Variants in DPP6 observed in about 807,000 individuals in gnomAD.
DPP6 encodes the protein A-type potassium channel modulatory protein DPP6.
DPP6 carries 69 observed loss-of-function variants against 122.6 expected under a neutral mutation model. The observed-to-expected ratio is 0.56, with a 90% CI of 0.46 to 0.69. The LOEUF (loss-of-function observed/expected upper bound fraction) is 0.69. Among genes scored for constraint, DPP6 ranks in the 30% least tolerant of loss-of-function variants. The pLI, the probability that DPP6 is intolerant of heterozygous loss-of-function variation, is 0.00. For missense variants in DPP6, 928 were observed against 1,116.9 expected (o/e 0.83, Z 2.41); for synonymous variants, 418 against 433.1 (o/e 0.97, Z 0.43).
At chr7:154,749,431 CAGGA>C (rs1322962523) in intron 8 of DPP6, among the ~76,000 whole-genome samples, 269 of 139,848 alleles carry the variant, frequency 1.9e-3, no homozygotes, top group Admixed American at 2.8e-3. Flanking sequence ...GAGCATAGGA[CAGGA>C]GGGAGAGGGA....
the DPP6 span, among the ~76,000 whole-genome samples, chr7:153,855,488 T>G: frequency 6.6e-6 from 1 of 152,234 alleles, no homozygotes. Context: ...TACTTTTTAC[T>G]GTTTGCTGCT....
intron 1 of DPP6, among the ~76,000 whole-genome samples, chr7:153,990,261 C>A (rs1797105172): frequency 1.2e-5 from 1 of 85,862 alleles, no homozygotes; most frequent in Non-Finnish European, 2.2e-5. Flanking sequence ...CACCTGCTTC[C>A]AGCCTTGCTG....
chr7:154,803,315 C>T (rs1368785327), intron 13 of DPP6, among the ~76,000 whole-genome samples: 1 of 152,212 alleles, frequency 6.6e-6, no homozygotes, highest in African/African-American at 2.4e-5. Flanking sequence ...TGTTACCATT[C>T]TTCTTAGCTC....
At chr7:154,701,227 C>T (rs1324387327) in intron 7 of DPP6, among the ~76,000 whole-genome samples, 1 of 152,194 alleles carries the variant, frequency 6.6e-6, no homozygotes, top group Non-Finnish European at 1.5e-5. Flanking sequence ...CCGCTTTGCA[C>T]GCTCACCACA....
chr7:154,215,036 G>C (rs1799927210), intron 1 of DPP6, among the ~76,000 whole-genome samples: 1 of 152,094 alleles, frequency 6.6e-6, no homozygotes, highest in South Asian at 2.1e-4. Context: ...AGAGAGATGG[G>C]GTGTATTAGC....
At chr7:154,332,802 C>T (rs1809066448) in intron 1 of DPP6, among the ~76,000 whole-genome samples, 2 of 152,196 alleles carry the variant, frequency 1.3e-5, no homozygotes, top group Non-Finnish European at 2.9e-5. Flanking sequence ...TTTTCTGCGT[C>T]AGATGCATTT....
intron 1 of DPP6, among the ~76,000 whole-genome samples, chr7:154,346,595 C>G (rs1810416731): frequency 6.6e-6 from 1 of 152,214 alleles, no homozygotes; most frequent in African/African-American, 2.4e-5. Flanking sequence ...GCGTGAGCCA[C>G]AGTGCCCAGG....
At chr7:154,796,352 A>G (rs1325309425) in intron 12 of DPP6, 1 of 155,364 alleles carries the variant, frequency 6.4e-6, no homozygotes, top group Admixed American at 6.5e-5. Context: ...ACTGCAAACC[A>G]TCCCTGGAGA....
At chr7:153,892,468 C>A (rs1799244269) in intron 1 of DPP6, among the ~76,000 whole-genome samples, 1 of 152,120 alleles carries the variant, frequency 6.6e-6, no homozygotes, top group South Asian at 2.1e-4. Flanking sequence ...CATGTGCCAC[C>A]ACACCCAGTT....
intron 1 of DPP6, among the ~76,000 whole-genome samples, chr7:154,313,693 A>G (rs200526664): frequency 0.27 from 6,082 of 22,134 alleles, 1,486 homozygotes; most frequent in East Asian, 0.52. Context: ...TGGTATATAT[A>G]TATATATATA....
chr7:154,873,866 A>G (rs1804604173), intron 19 of DPP6, among the ~76,000 whole-genome samples: 1 of 137,078 alleles, frequency 7.3e-6, no homozygotes, highest in Non-Finnish European at 1.7e-5. Flanking sequence ...ATGCACACAC[A>G]CCCACAGGCA....
intron 2 of DPP6, among the ~76,000 whole-genome samples, chr7:154,468,276 AAAG>A (rs1346600525): frequency 2.0e-5 from 3 of 152,264 alleles, no homozygotes; most frequent in African/African-American, 7.2e-5. Flanking sequence ...TTAGAGACAG[AAAG>A]AAGATTTTTG....
At chr7:153,852,248 T>C in the DPP6 span, among the ~76,000 whole-genome samples, 1 of 152,148 alleles carries the variant, frequency 6.6e-6, no homozygotes, top group Non-Finnish European at 1.5e-5. Flanking sequence ...GTTGCGTTGC[T>C]CTAAAGAAAC....
chr7:154,087,224 A>G (rs6964932), intron 1 of DPP6, among the ~76,000 whole-genome samples: 2,732 of 152,014 alleles, frequency 0.018, 79 homozygotes, highest in African/African-American at 0.062. Flanking sequence ...CTTGGCTGGC[A>G]CACAAGGAAG....
chr7:154,255,469 G>T (rs1009712177), intron 1 of DPP6, among the ~76,000 whole-genome samples: 1 of 152,212 alleles, frequency 6.6e-6, no homozygotes, highest in African/African-American at 2.4e-5. Context: ...AGCACTGGGG[G>T]AAAGGAGGTG....
At chr7:153,926,861 C>A (rs1206680759) in intron 1 of DPP6, among the ~76,000 whole-genome samples, 1 of 151,624 alleles carries the variant, frequency 6.6e-6, no homozygotes, top group Non-Finnish European at 1.5e-5. Context: ...TGAGTATATT[C>A]TTTTATCTTA....
chr7:153,946,678 C>T (rs1801962696), intron 1 of DPP6, among the ~76,000 whole-genome samples: 4 of 152,106 alleles, frequency 2.6e-5, no homozygotes, highest in Admixed American at 2.6e-4. Context: ...AAGATGGAGT[C>T]ACTTTGGTTC....
chr7:154,006,218 A>G (rs1441304511), intron 1 of DPP6, among the ~76,000 whole-genome samples: 3 of 152,160 alleles, frequency 2.0e-5, no homozygotes, highest in Non-Finnish European at 2.9e-5. Context: ...ACAGATAAAC[A>G]GTAACCAACA....
At chr7:153,787,331 CATA>C in the DPP6 span, among the ~76,000 whole-genome samples, 1 of 148,366 alleles carries the variant, frequency 6.7e-6, no homozygotes, top group African/African-American at 2.5e-5. Flanking sequence ...AGATATTTAT[CATA>C]ATAAGAAAAA....
Sources: gnomAD v4.1 joint callset for allele counts (sites outside exome capture counted in the v4.1 genomes callset) on GRCh38, gnomAD v4.1.1 for gene constraint, MANE v1.5 for transcripts, NCBI Gene and HGNC (gene_info 2026-07-23, HGNC 2026-07-21) for gene names.